The following MAP2K1 variants were observed in gnomAD, a reference collection of about 807,000 sequenced individuals.
The protein encoded by MAP2K1 is dual specificity mitogen-activated protein kinase kinase 1.
MAP2K1 carries 16 observed loss-of-function variants against 46.3 expected under a neutral mutation model. The ratio of observed to expected loss-of-function variants is 0.35; its 90% CI spans 0.23 to 0.52. The LOEUF is 0.52. MAP2K1 is among the 20% of genes least tolerant of loss of function. The pLI is 0.94. For synonymous variants in MAP2K1, 183 were observed against 185.6 expected (o/e 0.99, Z 0.11); for missense variants, 263 against 497.1 (o/e 0.53, Z 4.48).
intron 5 of MAP2K1, among the ~76,000 whole-genome samples, chr15:66,461,721 A>G (rs1892327336): frequency 6.6e-6 from 1 of 152,088 alleles, no homozygotes; most frequent in East Asian, 1.9e-4. Flanking sequence ...GGTAACAGGC[A>G]CCAAATCCCC....
chr15:66,401,933 A>T (rs1287787080), intron 1 of MAP2K1: 10 of 1,327,290 alleles, frequency 7.5e-6, no homozygotes, highest in African/African-American at 1.5e-5. Flanking sequence ...GGTCGAAGGA[A>T]ATGAAGCTGG....
intron 3 of MAP2K1, among the ~76,000 whole-genome samples, chr15:66,439,549 C>T (rs1049111678): frequency 6.6e-6 from 1 of 152,140 alleles, no homozygotes; most frequent in Admixed American, 6.6e-5. Flanking sequence ...GGCAGATCAC[C>T]TGAGGTCAGG....
chr15:66,446,455 A>G (rs75031052), intron 5 of MAP2K1: 1 of 162,210 alleles, frequency 6.2e-6, no homozygotes, highest in Admixed American at 6.3e-5. Flanking sequence ...AAAAAAAAAA[A>G]TCCTTGAGGG....
chr15:66,415,896 A>G (rs1200572132), intron 1 of MAP2K1, among the ~76,000 whole-genome samples: 1 of 152,230 alleles, frequency 6.6e-6, no homozygotes, highest in East Asian at 1.9e-4. Flanking sequence ...TTTAGACTAT[A>G]TATTTCTAGA....
chr15:66,387,118 C>T lies in MAP2K1; in HGVS notation c.-230C>T, dbSNP rs1044373600. The stretch of plus-strand genomic sequence containing the variant: ...GCTCCGCTCCTGCAGGGCAGCCTTT[C>T]GGCTCTCTGCGCGCGAAGCCGAGTC... On this transcript the variant is annotated 5_prime_UTR_variant, in exon 1 of 11. Transcript: ENST00000307102. The T allele has an allele frequency of 7.5e-6, 3 of 398,310 alleles. No individual in the cohort carries two copies. Among genetic ancestry groups the T allele is most frequent in the Non-Finnish European group, 1.3e-5 (3 of 226,284 alleles). 24.7% of individuals were successfully genotyped at this position (398,310 alleles called of 1,614,324 possible).
At chr15:66,449,579 C>T (rs1041745494) in intron 5 of MAP2K1, among the ~76,000 whole-genome samples, 4 of 152,136 alleles carry the variant, frequency 2.6e-5, no homozygotes, top group African/African-American at 9.7e-5. Flanking sequence ...TGAAAGTATA[C>T]ACTTAAAATG....
Position 66,464,672 on chromosome 15 carries a change from T to A in MAP2K1, c.569-17083T>A, listed in dbSNP as rs186576395. On this transcript the variant is annotated intron_variant, in intron 5 of 10. Transcript: ENST00000307102. The stretch of plus-strand genomic sequence containing the variant: ...TCCTGAGTAGCTGGGATTACAGGCA[T>A]GCGCCACCATGACCGGCTAATTTTG... Among the ~76,000 whole-genome samples the A allele has an allele frequency of 4.5e-3, 679 of 151,838 alleles. 6 individuals are homozygous for A. Among genetic ancestry groups the A allele is most frequent in the African/African-American group, 0.016 (645 of 41,430 alleles).
At chr15:66,478,130 C>G (rs1892801487) in intron 5 of MAP2K1, among the ~76,000 whole-genome samples, 1 of 151,670 alleles carries the variant, frequency 6.6e-6, no homozygotes, top group African/African-American at 2.4e-5. Context: ...TGGCTCGCTC[C>G]CTCTCTCTGT....
At chr15:66,481,939 G>A (rs2140668690) in intron 6 of MAP2K1, 60 bp downstream of exon 6, 1 of 1,586,306 alleles carries the variant, frequency 6.3e-7, no homozygotes, top group Non-Finnish European at 8.6e-7. Context: ...GGAGCCCAGT[G>A]GGTGCCTTTC....
At chr15:66,448,157 A>AC (rs201411843) in intron 5 of MAP2K1, among the ~76,000 whole-genome samples, 20,063 of 143,964 alleles carry the variant, frequency 0.14, 1,464 homozygotes, top group Non-Finnish European at 0.15. Context: ...CATCTCAAAA[A>AC]AAAAAAAAAA....
chr15:66,470,094 G>GTTTTTTTT (rs55637393), intron 5 of MAP2K1, among the ~76,000 whole-genome samples: 7 of 76,604 alleles, frequency 9.1e-5, no homozygotes, highest in East Asian at 3.9e-4. Context: ...TTTTTTTCTT[G>GTTTTTTTT]TTTTTTTTTT....
At chr15:66,468,943 G>A (rs1409786569) in intron 5 of MAP2K1, among the ~76,000 whole-genome samples, 5 of 140,364 alleles carry the variant, frequency 3.6e-5, no homozygotes, top group Admixed American at 3.0e-4. Context: ...AACAGAGCAA[G>A]ACTCCGTCTC....
At chr15:66,433,546 C>A (rs982215078) in intron 1 of MAP2K1, among the ~76,000 whole-genome samples, 2 of 152,020 alleles carry the variant, frequency 1.3e-5, no homozygotes, top group Non-Finnish European at 2.9e-5. Flanking sequence ...TTCTTTGGTC[C>A]CATGCATGAT....
intron 6 of MAP2K1, among the ~76,000 whole-genome samples, chr15:66,483,969 C>T (rs548598781): frequency 3.9e-5 from 6 of 152,096 alleles, no homozygotes; most frequent in Non-Finnish European, 8.8e-5. Context: ...AGGATGGTCT[C>T]GATCTCCTGA....
intron 1 of MAP2K1, among the ~76,000 whole-genome samples, chr15:66,427,558 CA>C (rs57483909): frequency 2.9e-4 from 41 of 142,602 alleles, no homozygotes; most frequent in South Asian, 4.4e-4. Flanking sequence ...ACTCCATCTC[CA>C]AAAAAAAAAA....
rs1355272565 is a variant in MAP2K1, at chr15:66,468,962, A to T, written c.569-12793A>T. Among the ~76,000 whole-genome samples, 4 of 149,954 alleles carry T rather than the reference A, an allele frequency of 2.7e-5. No individual in the cohort carries two copies. The East Asian group carries it at 7.9e-4, about 30-fold the overall frequency. ...GAGCAAGACTCCGTCTCAAAAAAAA[A>T]AATTTTTTTTTTTGGCTGAGCACAG... On this transcript the variant is annotated intron_variant, in intron 5 of 10. Coordinates refer to ENST00000307102, the MANE Select transcript of MAP2K1 (RefSeq NM_002755.4).
intron 3 of MAP2K1, among the ~76,000 whole-genome samples, chr15:66,437,732 C>G (rs1213462127): frequency 1.3e-5 from 2 of 152,230 alleles, no homozygotes; most frequent in African/African-American, 2.4e-5. Flanking sequence ...TTTTGAACCT[C>G]TCTTCATTGT....
intron 5 of MAP2K1, among the ~76,000 whole-genome samples, chr15:66,459,474 C>T (rs1892260391): frequency 6.6e-6 from 1 of 151,344 alleles, no homozygotes; most frequent in Admixed American, 6.6e-5. Context: ...AAAAATTAGC[C>T]TGGCATGGTG....
chr15:66,413,613 G>A (rs2093416749), intron 1 of MAP2K1, among the ~76,000 whole-genome samples: 2 of 117,946 alleles, frequency 1.7e-5, no homozygotes, highest in South Asian at 6.2e-4. Context: ...ATCCATTTCT[G>A]TATTGTAGGC....
Sources: gnomAD v4.1 joint callset for allele counts (sites outside exome capture counted in the v4.1 genomes callset) on GRCh38, gnomAD v4.1.1 for gene constraint, MANE v1.5 for transcripts, NCBI Gene and HGNC (gene_info 2026-07-23, HGNC 2026-07-21) for gene names.